Variants in CMTM7 observed in about 807,000 individuals in gnomAD.
The protein encoded by CMTM7 is CKLF like MARVEL transmembrane domain containing 7.
CMTM7 carries 7 observed loss-of-function variants against 19.3 expected under a neutral mutation model. That is an observed-to-expected ratio of 0.36 (90% confidence interval 0.21 to 0.68). The LOEUF (loss-of-function observed/expected upper bound fraction) is 0.68. Ranked by LOEUF, CMTM7 falls within the 30% of genes least tolerant of loss-of-function variation. CMTM7 has a pLI of 0.60. For synonymous variants in CMTM7, 87 were observed against 99.3 expected, an observed-to-expected ratio of 0.88 and a Z score of 0.74; for missense variants, 193 against 232.6, an observed-to-expected ratio of 0.83 and a Z score of 1.11.
At chr3:32,437,787 AG>A (rs1465383252) in intron 1 of CMTM7, among the ~76,000 whole-genome samples, 2 of 152,122 alleles carry the variant, frequency 1.3e-5, no homozygotes, top group African/African-American at 4.8e-5. Flanking sequence ...GCTACTTGTG[AG>A]GCTGAGGTAG....
At chr3:32,452,175 C>T in intron 3 of CMTM7, 1 of 1,506,664 alleles carries the variant, frequency 6.6e-7, no homozygotes, top group South Asian at 1.2e-5. Flanking sequence ...CCAGCCCTGA[C>T]CTGGCCCAAC....
intron 1 of CMTM7, among the ~76,000 whole-genome samples, chr3:32,430,030 T>C (rs1696491919): frequency 6.6e-6 from 1 of 152,226 alleles, no homozygotes; most frequent in Admixed American, 6.5e-5. Flanking sequence ...TCAGTCCTTG[T>C]GGAGCTGTGG....
intron 1 of CMTM7, among the ~76,000 whole-genome samples, chr3:32,433,561 G>C (rs1696550390): frequency 6.6e-6 from 1 of 152,170 alleles, no homozygotes; most frequent in African/African-American, 2.4e-5. Context: ...GATGTTCTGA[G>C]GGCAGCCTCC....
chr3:32,424,515 C>T (rs938271247), intron 1 of CMTM7, among the ~76,000 whole-genome samples: 2 of 152,164 alleles, frequency 1.3e-5, no homozygotes, highest in Admixed American at 6.5e-5. Context: ...AGTACATGAA[C>T]GCAGTGTTGG....
In CMTM7 at chr3:32,414,082, C is replaced by T. The variant is rs192735105; in HGVS notation, c.159+22017C>T. Among the ~76,000 whole-genome samples the T allele has an allele frequency of 4.0e-3, 608 of 152,228 alleles. 5 individuals carry two copies. The highest frequency in any genetic ancestry group is 0.012 in the Admixed American group (186 of 15,286). On this transcript the variant is annotated intron_variant, in intron 1 of 4. Coordinates refer to ENST00000334983, the MANE Select transcript of CMTM7 (RefSeq NM_138410.4). ...GTGCTCCTCGGAGTATCAGCCAAGG[C>T]CTTTGTTATGACTGCTCAAATCCTC...
At chr3:32,416,573 G>A (rs897047555) in intron 1 of CMTM7, among the ~76,000 whole-genome samples, 8 of 150,822 alleles carry the variant, frequency 5.3e-5, no homozygotes, top group African/African-American at 2.0e-4. Flanking sequence ...TGTATTTTTA[G>A]TAGAGACGGG....
rs748310038 is a variant in CMTM7, at chr3:32,449,495, C to A, written c.375C>A (p.Ile125=). 1.2e-6 allele frequency: 2 copies of A among 1,614,184 alleles called. No individual in the cohort carries two copies. The highest frequency in any genetic ancestry group is 1.7e-6 in the Non-Finnish European group (2 of 1,180,020). Residue 125 remains isoleucine (I), a synonymous_variant, in exon 3 of 5, where the codon ATC becomes ATA. Transcript: ENST00000334983. This position sits in a 1 kb window ranked among gnomAD's most constrained non-coding sequence, Gnocchi z 4.5. ...HYLIGTLLLL[I]ASIVAASKSY... is the part of the protein sequence containing the mutation. ...TAATCGGTACCCTGCTCCTCCTCAT[C>A]GCCTCCATTGTGGCAGCTTCCAAGA...
At chr3:32,407,363 G>A (rs1264856743) in intron 1 of CMTM7, among the ~76,000 whole-genome samples, 2 of 152,024 alleles carry the variant, frequency 1.3e-5, no homozygotes. Context: ...TTTGAAACAA[G>A]GGAAGGGAAA....
At chr3:32,424,296 G>C (rs1392632708) in intron 1 of CMTM7, among the ~76,000 whole-genome samples, 1 of 152,146 alleles carries the variant, frequency 6.6e-6, no homozygotes, top group Non-Finnish European at 1.5e-5. Context: ...CTGAGAGTGC[G>C]GACCAGAAAG....
At chr3:32,424,601 G>A (rs1176218239) in intron 1 of CMTM7, among the ~76,000 whole-genome samples, 3 of 151,324 alleles carry the variant, frequency 2.0e-5, no homozygotes, top group East Asian at 1.9e-4. Context: ...TAAGCCTCTT[G>A]CCCCCTCTCC....
chr3:32,428,556 G>T (rs6786831), intron 1 of CMTM7, among the ~76,000 whole-genome samples: 7,334 of 152,272 alleles, frequency 0.048, 590 homozygotes, highest in African/African-American at 0.17. Context: ...TTGTGGGGCG[G>T]CTTCCCTGTT....
intron 1 of CMTM7, among the ~76,000 whole-genome samples, chr3:32,416,540 G>A (rs1225468007): frequency 1.4e-5 from 2 of 142,814 alleles, no homozygotes; most frequent in African/African-American, 2.6e-5. Context: ...ACAGGCGCCC[G>A]CCACCGCGCC....
At chr3:32,430,350 A>G (rs1331005083) in intron 1 of CMTM7, among the ~76,000 whole-genome samples, 1 of 152,148 alleles carries the variant, frequency 6.6e-6, no homozygotes, top group Non-Finnish European at 1.5e-5. Flanking sequence ...GGCCATCCCC[A>G]TTCTGCTTAT....
At chr3:32,424,639 T>TG (rs1450296564) in intron 1 of CMTM7, among the ~76,000 whole-genome samples, 2 of 43,772 alleles carry the variant, frequency 4.6e-5, no homozygotes, top group Non-Finnish European at 6.6e-5. Flanking sequence ...GGGGAAAGGT[T>TG]TTTTTTTTTT....
chr3:32,391,890 C>A lies in CMTM7; in HGVS notation c.-17C>A, dbSNP rs1226841400. On this transcript the variant is annotated 5_prime_UTR_variant, in exon 1 of 5. Transcript: ENST00000334983. ...GGCAGCTGCCCGGGGAGGCGGCCAG[C>A]GAGCTGGGGCCGCGCAATGTCGCAC... 1 of 1,213,130 alleles carries A rather than the reference C, an allele frequency of 8.2e-7. No individual in the cohort carries two copies. Among genetic ancestry groups the A allele is most frequent in the Non-Finnish European group, 1.0e-6 (1 of 975,646 alleles). The allele number at this position is 1,213,130 out of a possible 1,614,324, so 75.1% of individuals were successfully genotyped here. A position where few individuals can be genotyped will look rare whatever the true frequency, so the allele number is the denominator to read the frequency against.
At chr3:32,392,396 C>T (rs1437787493) in intron 1 of CMTM7, among the ~76,000 whole-genome samples, 1 of 152,240 alleles carries the variant, frequency 6.6e-6, no homozygotes, top group Non-Finnish European at 1.5e-5. Flanking sequence ...TTTCGTCTTT[C>T]TTCCTCTTCT....
chr3:32,442,859 A>C (rs774879458), intron 2 of CMTM7, among the ~76,000 whole-genome samples: 1 of 152,194 alleles, frequency 6.6e-6, no homozygotes, highest in Non-Finnish European at 1.5e-5. Context: ...AACCATTACT[A>C]CAGTCAACTT....
At chr3:32,404,505 C>T (rs1467094915) in intron 1 of CMTM7, among the ~76,000 whole-genome samples, 6 of 152,154 alleles carry the variant, frequency 3.9e-5, no homozygotes, top group Non-Finnish European at 8.8e-5. Context: ...AGTTTTTCCT[C>T]CTTTTGCTTG....
intron 1 of CMTM7, among the ~76,000 whole-genome samples, chr3:32,422,870 G>A (rs1335920974): frequency 1.3e-5 from 2 of 152,160 alleles, no homozygotes; most frequent in Non-Finnish European, 2.9e-5. Context: ...TTAGTACAAA[G>A]CCTATTTGGT....
Sources: gnomAD v4.1 joint callset for allele counts (sites outside exome capture counted in the v4.1 genomes callset) on GRCh38, gnomAD v4.1.1 for gene constraint, Gnocchi (gnomAD v3.1) non-coding constraint, MANE v1.5 for transcripts, NCBI Gene and HGNC (gene_info 2026-07-23, HGNC 2026-07-21) for gene names.